The following SYT14 variants were observed in gnomAD, a reference collection of about 807,000 sequenced individuals.
SYT14 encodes synaptotagmin-14.
In SYT14, 32 loss-of-function variants were observed where a neutral mutation model predicts 74.2. The observed-to-expected ratio is 0.43, with a 90% CI of 0.33 to 0.58. SYT14 has a LOEUF of 0.58. Among genes scored for constraint, SYT14 ranks in the 20% least tolerant of loss-of-function variants. The probability of loss-of-function intolerance (pLI) is 0.05; values close to 1 mark genes in which losing one functional copy is unlikely to be tolerated. For synonymous variants in SYT14, 298 were observed against 337.7 expected (o/e 0.88, Z 1.29); for missense variants, 791 against 981.8 (o/e 0.81, Z 2.60).
At chr1:209,999,964 C>T (rs2079864256) in intron 2 of SYT14, among the ~76,000 whole-genome samples, 1 of 152,124 alleles carries the variant, frequency 6.6e-6, no homozygotes, top group African/African-American at 2.4e-5. Context: ...TTAAAGTACT[C>T]CAACTTGGTC....
intron 2 of SYT14, among the ~76,000 whole-genome samples, chr1:210,006,240 T>A (rs926729206): frequency 6.6e-6 from 1 of 152,116 alleles, no homozygotes; most frequent in Admixed American, 6.5e-5. Flanking sequence ...ATTCTTTTTT[T>A]AATTTACATA....
chr1:210,079,561 T>C (rs1365861949), intron 5 of SYT14, among the ~76,000 whole-genome samples: 3 of 152,222 alleles, frequency 2.0e-5, no homozygotes, highest in African/African-American at 7.2e-5. Context: ...AATGCATATC[T>C]AGCTTATTCC....
intron 1 of SYT14, among the ~76,000 whole-genome samples, chr1:209,945,744 AT>A (rs1404327726): frequency 6.6e-6 from 1 of 152,192 alleles, no homozygotes; most frequent in Non-Finnish European, 1.5e-5. Flanking sequence ...AATACAGTTG[AT>A]TTTGAAAAGG....
intron 5 of SYT14, among the ~76,000 whole-genome samples, chr1:210,074,557 T>C (rs953418597): frequency 5.9e-5 from 9 of 152,202 alleles, no homozygotes; most frequent in Non-Finnish European, 1.3e-4. Flanking sequence ...CTTCACTCTG[T>C]AAAAAAATTT....
intron 5 of SYT14, among the ~76,000 whole-genome samples, chr1:210,046,024 C>T (rs751407574): frequency 6.6e-6 from 1 of 152,170 alleles, no homozygotes; most frequent in Non-Finnish European, 1.5e-5. Flanking sequence ...ACATTGAACA[C>T]ATTTTTCACT....
chr1:210,139,392 A>G (rs1371142732), intron 7 of SYT14, among the ~76,000 whole-genome samples: 1 of 144,366 alleles, frequency 6.9e-6, no homozygotes, highest in Non-Finnish European at 1.5e-5. Context: ...GGGTACTTTT[A>G]CTACAACTTT....
intron 2 of SYT14, chr1:209,953,058 C>G (rs1340518545): frequency 2.2e-6 from 3 of 1,352,978 alleles, no homozygotes; most frequent in African/African-American, 2.9e-5. Flanking sequence ...CTTTCAGAAT[C>G]TGGAATCTGA....
intron 7 of SYT14, among the ~76,000 whole-genome samples, chr1:210,139,017 A>G (rs2102663382): frequency 6.6e-6 from 1 of 152,220 alleles, no homozygotes; most frequent in South Asian, 2.1e-4. Context: ...AAATGTACTA[A>G]TACAATGCTA....
intron 7 of SYT14, among the ~76,000 whole-genome samples, chr1:210,147,017 A>G (rs1034994301): frequency 7.2e-5 from 11 of 152,110 alleles, no homozygotes; most frequent in Non-Finnish European, 1.5e-4. Flanking sequence ...CATTTTAAAA[A>G]GTATGAGCAG....
At chr1:210,126,720 G>A (rs959662493) in intron 7 of SYT14, among the ~76,000 whole-genome samples, 3 of 152,178 alleles carry the variant, frequency 2.0e-5, no homozygotes, top group African/African-American at 7.2e-5. Context: ...GTATGCTGCT[G>A]AAAATATATT....
intron 2 of SYT14, among the ~76,000 whole-genome samples, chr1:210,007,135 T>A (rs1001518919): frequency 6.6e-6 from 1 of 151,920 alleles, no homozygotes; most frequent in African/African-American, 2.4e-5. Context: ...AAAATTGGTA[T>A]TTTTTAAGTT....
chr1:210,120,084 CT>C (rs1177032083), intron 7 of SYT14, among the ~76,000 whole-genome samples: 1 of 151,660 alleles, frequency 6.6e-6, no homozygotes, highest in Admixed American at 6.6e-5. Context: ...TTACCATGTC[CT>C]TTTTATAGTC....
chr1:210,021,310 G>A (rs1416777471), intron 5 of SYT14, 56 bp downstream of exon 4: 2 of 1,485,496 alleles, frequency 1.3e-6, no homozygotes, highest in Non-Finnish European at 9.4e-7. Flanking sequence ...TTGATTACTT[G>A]TGCCTGAAAT....
At chr1:210,098,178 A>C (rs2081998844) in intron 6 of SYT14, among the ~76,000 whole-genome samples, 1 of 151,748 alleles carries the variant, frequency 6.6e-6, no homozygotes, top group Non-Finnish European at 1.5e-5. Context: ...CTGTGTCAAA[A>C]AAAAAAAAAA....
At chr1:210,034,969 C>A (rs2080626825) in intron 5 of SYT14, among the ~76,000 whole-genome samples, 1 of 151,670 alleles carries the variant, frequency 6.6e-6, no homozygotes, top group Non-Finnish European at 1.5e-5. Context: ...ATAATGATTT[C>A]TTTTCCTTTA....
At chr1:210,060,130 G>A (rs1327863256) in intron 5 of SYT14, among the ~76,000 whole-genome samples, 1 of 152,114 alleles carries the variant, frequency 6.6e-6, no homozygotes, top group Non-Finnish European at 1.5e-5. Flanking sequence ...CAATGGGTAT[G>A]GTTGTATAGG....
chr1:210,021,134 A>G (rs753572878), exon 5 of SYT14: 2 of 1,614,080 alleles, frequency 1.2e-6, no homozygotes, highest in Admixed American at 1.7e-5. Context: ...CAGAACACAC[A>G]ATTCCAGACT....
At chr1:209,963,442 C>A (rs575121143) in intron 2 of SYT14, among the ~76,000 whole-genome samples, 1 of 152,262 alleles carries the variant, frequency 6.6e-6, no homozygotes, top group Non-Finnish European at 1.5e-5. Flanking sequence ...CAACCTATTT[C>A]ATTCTAAGAC....
intron 2 of SYT14, among the ~76,000 whole-genome samples, chr1:209,977,493 G>T (rs556821792): frequency 2.0e-5 from 3 of 152,222 alleles, no homozygotes; most frequent in African/African-American, 4.8e-5. Flanking sequence ...ATGAAATTCT[G>T]GGTTGAAAAT....
Sources: allele counts gnomAD v4.1 joint callset (sites outside exome capture counted in the v4.1 genomes callset), GRCh38; gene constraint gnomAD v4.1.1; transcripts MANE v1.5; gene names NCBI Gene and HGNC (gene_info 2026-07-23, HGNC 2026-07-21).